The following SCNN1D variants were observed in gnomAD, a reference collection of about 807,000 sequenced individuals.
The protein encoded by SCNN1D is epithelial sodium channel subunit delta.
Under a neutral mutation model 87.8 loss-of-function variants are expected in SCNN1D, and 104 were observed. That is an observed-to-expected ratio of 1.18 (90% CI 1.01 to 1.39). The LOEUF (loss-of-function observed/expected upper bound fraction) is 1.39, where lower values mean the gene tolerates loss of function less well. SCNN1D is among the 40% of genes most tolerant of loss of function. The pLI, the probability that SCNN1D is intolerant of heterozygous loss-of-function variation, is 0.00. For missense variants in SCNN1D, 1,324 were observed against 1,093.9 expected, an observed-to-expected ratio of 1.21 and a Z score of -2.97; for synonymous variants, 628 against 481.2, an observed-to-expected ratio of 1.31 and a Z score of -3.99.
chr1:1,290,634 C>A lies in SCNN1D; in HGVS notation c.1860-3C>A. The A allele has an allele frequency of 6.2e-7, 1 of 1,612,656 alleles. No homozygotes were observed. The highest frequency in any genetic ancestry group is 8.5e-7 in the Non-Finnish European group (1 of 1,179,930). On this transcript the variant is annotated splice_polypyrimidine_tract_variant and splice_region_variant and intron_variant, in intron 14 of 17. Coordinates refer to ENST00000379116, the MANE Select transcript of SCNN1D (RefSeq NM_001130413.4). ...GCAGGTGACACCCGGCTGTCTCTTC[C>A]AGGGAGTCTGCATTCAAGCTCTCCA...
chr1:1,284,557 C>CAGCATGTGCTGGACCACGGGGGGTGCCG (rs1640546505), intron 5 of SCNN1D, among the ~76,000 whole-genome samples: 6 of 138,310 alleles, frequency 4.3e-5, no homozygotes, highest in South Asian at 4.8e-4. Context: ...GGGGGGTGCA[C>CAGCATGTGCTGGACCACGGGGGGTGCCG]AGCGTGTGCT....
rs141251506 is a variant in SCNN1D at position 1,291,417 on chromosome 1, C to T, written c.2216C>T (p.Ala739Val). The T allele has an allele frequency of 1.1e-5, 18 of 1,606,754 alleles. No homozygotes were observed. Among genetic ancestry groups the T allele is most frequent in the East Asian group, 2.2e-5 (1 of 44,760 alleles). ...LRRAWFSWPR[A>V]SPASGASSIK... is the part of the protein sequence containing the mutation. ...AGGGCGTGGTTCTCCTGGCCCAGAG[C>T]CAGCCCTGCCTCAGGGGCGTCCAGC... is the stretch of plus-strand genomic sequence containing the variant. The change falls in exon 18 of 18, where the codon GCC becomes GTC. Residue 739 changes from alanine (A) to valine (V), a missense_variant. Coordinates refer to ENST00000379116, the MANE Select transcript of SCNN1D (RefSeq NM_001130413.4).
chr1:1,281,476 C>G lies in SCNN1D; in HGVS notation c.143C>G (p.Pro48Arg), dbSNP rs1443350070. Residue 48 changes from proline (P) to arginine (R), a missense_variant, in exon 3 of 18, where the codon CCC becomes CGC. Pro to Arg is a moderately radical substitution (Grantham distance 103). Coordinates refer to ENST00000379116, the MANE Select transcript of SCNN1D (RefSeq NM_001130413.4). ...PTCRELGSPH[P>R]TPCTGPARGW... Reference sequence around the variant, plus strand: ...TGCCGGGAGCTGGGTTCGCCCCACCCCACCCCCTGCACCGGGCCAGCGAGG... The same window carrying G: ...TGCCGGGAGCTGGGTTCGCCCCACCGCACCCCCTGCACCGGGCCAGCGAGG... The G allele has an allele frequency of 1.3e-6, 2 of 1,524,152 alleles. No individual in the cohort carries two copies. The highest frequency in any genetic ancestry group is 2.0e-5 in the Admixed American group (1 of 50,122). 94.4% of individuals were successfully genotyped at this position (1,524,152 alleles called of 1,614,324 possible). A position where few individuals can be genotyped will look rare whatever the true frequency, so the allele number is the denominator to read the frequency against.
rs763391046 is a variant in SCNN1D, at chr1:1,281,530, G to A, written c.197G>A (p.Cys66Tyr). ...RGWPRRGGGP[C>Y]GFTSAGHVLC... ...TGGCCCAGAAGAGGGGGAGGACCAT[G>A]TGGATTCACCAGTGCTGGACATGTG... The change falls in exon 3 of 18, where the codon TGT becomes TAT. Residue 66 changes from cysteine to tyrosine, a missense_variant. Physicochemically the swap from Cys to Tyr is radical, Grantham distance 194 (BLOSUM62 -2). Transcript: ENST00000379116. 3.3e-6 allele frequency: 5 copies of A among 1,535,714 alleles called. No individual in the cohort carries two copies. In the South Asian group the frequency reaches 4.8e-5, roughly 15 times the overall value.
In SCNN1D at chr1:1,287,218, C is replaced by A; in HGVS notation, c.1229C>A (p.Ala410Glu). The change falls in exon 9 of 18, where the codon GCG becomes GAG. Residue 410 changes from alanine (A) to glutamate (E), a missense_variant. Physicochemically the swap from Ala to Glu is moderately radical, Grantham distance 107. Coordinates refer to ENST00000379116, the MANE Select transcript of SCNN1D (RefSeq NM_001130413.4). ...GTGGATATCCTGGCCCTGCTGCCCGCGGCATGGGAGGACAGCCACGGGAGC... is the reference window on the plus strand; with the variant it reads ...GTGGATATCCTGGCCCTGCTGCCCGAGGCATGGGAGGACAGCCACGGGAGC... ...HYVDILALLP[A>E]AWEDSHGSQD... 1.9e-6 allele frequency: 3 copies of A among 1,611,858 alleles called. No homozygotes were observed. The highest frequency in any genetic ancestry group is 2.5e-6 in the Non-Finnish European group (3 of 1,179,570).
intron 12 of SCNN1D, 150 bp from the exon 13 acceptor site, chr1:1,290,121 C>CCCCG: frequency 5.3e-6 from 3 of 560,868 alleles, no homozygotes; most frequent in Non-Finnish European, 6.0e-6. Context: ...CGTGTCTCTG[C>CCCCG]TCCGTCCCCC....
chr1:1,288,208 T>TCC (rs1491343482), intron 12 of SCNN1D, among the ~76,000 whole-genome samples, 171 bp downstream of exon 12: 16 of 146,550 alleles, frequency 1.1e-4, no homozygotes, highest in South Asian at 2.2e-4. Flanking sequence ...ATTCCCTGTG[T>TCC]CTCTGCTCCG....
chr1:1,287,191 AT>A lies in SCNN1D; in HGVS notation c.1203del (p.Tyr401Ter). ...GTCCAGGACTGGTACCACTTCCACT[AT>A]GTGGATATCCTGGCCCTGCTGCCCG... Reference protein sequence around the residue: ...AAVQDWYHFHYVDILALLPAA... With the variant: ...AAVQDWYHFHXVDILALLPAA... On this transcript the variant is annotated frameshift_variant, in exon 9 of 18. Coordinates refer to ENST00000379116, the MANE Select transcript of SCNN1D (RefSeq NM_001130413.4). LOFTEE classifies it high-confidence loss of function. 1 of 1,612,090 alleles carries A rather than the reference AT, an allele frequency of 6.2e-7. No individual in the cohort carries two copies. The highest frequency in any genetic ancestry group is 8.5e-7 in the Non-Finnish European group (1 of 1,179,522).
chr1:1,290,427 A>G (rs200451033), intron 13 of SCNN1D, 39 bp downstream of exon 13: 1 of 1,609,674 alleles, frequency 6.2e-7, no homozygotes, highest in South Asian at 1.1e-5. Flanking sequence ...GTCAGCCATT[A>G]GCCGGGGGGT....
At position 1,286,151 on chromosome 1, in the gene SCNN1D, G is replaced by A. The variant is rs779254870; in HGVS notation, c.784G>A (p.Ala262Thr). ...GCTGCTGTCCCTGGGAGCCCTGGTC[G>A]CGCTCTGCTGGCAGCTGGGGCTCCT... ...WGLLSLGALVALCWQLGLLFE... is the reference protein window; with the variant it reads ...WGLLSLGALVTLCWQLGLLFE... Residue 262 changes from alanine to threonine, a missense_variant, in exon 7 of 18, where the codon GCG becomes ACG. Ala to Thr is a moderately conservative substitution (Grantham distance 58). Coordinates refer to ENST00000379116, the MANE Select transcript of SCNN1D (RefSeq NM_001130413.4). 1.2e-5 allele frequency: 20 copies of A among 1,608,714 alleles called. No individual in the cohort carries two copies. The highest frequency in any genetic ancestry group is 1.0e-4 in the Admixed American group (6 of 59,700).
rs1436373096 is a variant in SCNN1D at position 1,288,004 on chromosome 1, G to A, written c.1629G>A (p.Val543=). Residue 543 remains valine, a synonymous_variant, in exon 12 of 18, where the codon GTG becomes GTA. Coordinates refer to ENST00000379116, the MANE Select transcript of SCNN1D (RefSeq NM_001130413.4). ...CCGCCGGCGGGGAAGGCGTGGAGGT[G>A]GAGCTGCTACACAACACCTCCTACA... is the stretch of plus-strand genomic sequence containing the variant. ...HCTAGGEGVE[V]ELLHNTSYTR... The A allele has an allele frequency of 6.5e-6, 10 of 1,547,272 alleles. No homozygotes were observed. The highest frequency in any genetic ancestry group is 7.9e-6 in the Non-Finnish European group (9 of 1,145,320).
At position 1,283,932 on chromosome 1, in the gene SCNN1D, C is replaced by T. The variant is rs920616905; in HGVS notation, c.352-46C>T. 4.9e-6 allele frequency: 6 copies of T among 1,213,164 alleles called. No homozygotes were observed. The African/African-American group carries it at 9.9e-5, about 20-fold the overall frequency. 75.1% of individuals were successfully genotyped at this position (1,213,164 alleles called of 1,614,324 possible). A position where few individuals can be genotyped will look rare whatever the true frequency, so the allele number is the denominator to read the frequency against. Reference sequence around the variant, plus strand: ...TGTGGCTGCCCTGGCTGGGTCCTCCCTCGCCTGCAGCACAGTCCCACGCCC... The same window carrying T: ...TGTGGCTGCCCTGGCTGGGTCCTCCTTCGCCTGCAGCACAGTCCCACGCCC... On this transcript the variant is annotated intron_variant, in intron 4 of 17. Coordinates refer to ENST00000379116, the MANE Select transcript of SCNN1D (RefSeq NM_001130413.4).
chr1:1,291,141 G>T lies in SCNN1D; in HGVS notation c.2052+1G>T, dbSNP rs758155934. ...AGTGGAGGAGGCGCCCGTGTACTCGGTGAGCCTTGGCCCCCTGCCTGGGCT... is the reference window on the plus strand; with the variant it reads ...AGTGGAGGAGGCGCCCGTGTACTCGTTGAGCCTTGGCCCCCTGCCTGGGCT... On this transcript the variant is annotated splice_donor_variant, in intron 17 of 17. Coordinates refer to ENST00000379116, the MANE Select transcript of SCNN1D (RefSeq NM_001130413.4). LOFTEE classifies it high-confidence loss of function. 1 of 1,611,428 alleles carries T rather than the reference G, an allele frequency of 6.2e-7. No individual in the cohort carries two copies. Among genetic ancestry groups the T allele is most frequent in the South Asian group, 1.1e-5 (1 of 90,834 alleles).
In SCNN1D at chr1:1,290,718, G is replaced by A. The variant is rs1335945195; in HGVS notation, c.1917+24G>A. 5 of 1,611,738 alleles carry A rather than the reference G, an allele frequency of 3.1e-6. No homozygotes were observed. In the African/African-American group the frequency reaches 4.0e-5, roughly 13 times the overall value. On this transcript the variant is annotated intron_variant, in intron 15 of 17. Coordinates refer to ENST00000379116, the MANE Select transcript of SCNN1D (RefSeq NM_001130413.4). ...CTGTGAGTCCCCAAAGTGGTGGGGT[G>A]GGGGTGTGGACAGCCAGGCAGACCC...
chr1:1,286,719 G>A (rs1053141424), intron 7 of SCNN1D, 49 bp from the exon 8 acceptor site: 10 of 1,557,588 alleles, frequency 6.4e-6, no homozygotes, highest in African/African-American at 5.4e-5. Flanking sequence ...GCTGGGGCCA[G>A]TGTGAGGCCC....
intron 3 of SCNN1D, chr1:1,281,817 C>G: frequency 1.7e-6 from 1 of 602,224 alleles, no homozygotes; most frequent in East Asian, 2.8e-5. Flanking sequence ...TTGGCTGGAC[C>G]GGGCCCCACT....
At chr1:1,285,517 C>A in intron 5 of SCNN1D, 54 bp from the exon 6 acceptor site, 1 of 1,251,822 alleles carries the variant, frequency 8.0e-7, no homozygotes, top group Non-Finnish European at 1.1e-6. Context: ...TTCCCCTGAG[C>A]CCCAGACCCC....
intron 12 of SCNN1D, among the ~76,000 whole-genome samples, 167 bp downstream of exon 12, chr1:1,288,204 T>TGTGTCTTTGCTCCGTCCC (rs1640653511): frequency 7.1e-6 from 1 of 140,086 alleles, no homozygotes; most frequent in African/African-American, 2.7e-5. Flanking sequence ...CTCCATTCCC[T>TGTGTCTTTGCTCCGTCCC]GTGTCTCTGC....
rs764817454 is a variant in SCNN1D, at chr1:1,286,706, G to A, written c.912-62G>A. ...CTGCTGTCCCGACAGCACACACTGG[G>A]ATGCTGGGGCCAGTGTGAGGCCCCG... On this transcript the variant is annotated intron_variant, in intron 7 of 17. Transcript: ENST00000379116. 6.8e-4 allele frequency: 1,011 copies of A among 1,488,622 alleles called. 3 individuals carry two copies. The Middle Eastern group carries it at 7.8e-3, about 11-fold the overall frequency. 92.2% of individuals were successfully genotyped at this position (1,488,622 alleles called of 1,614,324 possible).
Sources: gnomAD v4.1 joint callset for allele counts (sites outside exome capture counted in the v4.1 genomes callset) on GRCh38, gnomAD v4.1.1 for gene constraint, MANE v1.5 for transcripts, NCBI Gene and HGNC (gene_info 2026-07-23, HGNC 2026-07-21) for gene names.